Variants in TJP1 observed in about 807,000 individuals in gnomAD.
The protein encoded by TJP1 is tight junction protein 1.
TJP1 carries 43 observed loss-of-function variants against 194.2 expected under a neutral mutation model. That is an observed-to-expected ratio of 0.22 (90% CI 0.17 to 0.29). The LOEUF is 0.29. Ranked by LOEUF, TJP1 falls within the 10% of genes least tolerant of loss-of-function variation. The pLI, the probability that TJP1 is intolerant of heterozygous loss-of-function variation, is 1.00. For synonymous variants in TJP1, 801 were observed against 779.0 expected, an observed-to-expected ratio of 1.03 and a Z score of -0.47; for missense variants, 1,971 against 2,185.7, an observed-to-expected ratio of 0.90 and a Z score of 1.96.
chr15:29,722,879 ATTTTGGAG>A (rs2151159692), intron 18 of TJP1, among the ~76,000 whole-genome samples: 1 of 152,296 alleles, frequency 6.6e-6, no homozygotes, highest in East Asian at 1.9e-4. Context: ...AACGGAGATT[ATTTTGGAG>A]CTTTAAGATT....
rs55694243 is a variant in TJP1, at chr15:29,745,302, G to GAAAA, written c.1011-2525_1011-2522dup. On this transcript the variant is annotated intron_variant, in intron 8 of 27. Transcript: ENST00000614355. ...CACGAGCTAATGGTCCCAAAATATT[G>GAAAA]AAAAAAAAAAAAAAACTTAATGAAT... is the stretch of plus-strand genomic sequence containing the variant. Among the ~76,000 whole-genome samples, 25 of 135,872 alleles carry GAAAA rather than the reference G, an allele frequency of 1.8e-4. 1 individual carries two copies. The highest frequency in any genetic ancestry group is 2.6e-4 in the Non-Finnish European group (17 of 64,980). 89.1% of individuals were successfully genotyped at this position (135,872 alleles called of 152,430 possible). A position where few individuals can be genotyped will look rare whatever the true frequency, so the allele number is the denominator to read the frequency against.
intron 10 of TJP1, among the ~76,000 whole-genome samples, chr15:29,738,845 C>T (rs2044203649): frequency 8.6e-6 from 1 of 116,314 alleles, no homozygotes; most frequent in South Asian, 2.8e-4. Context: ...CTGATCAACA[C>T]AGCAAGACCC....
At chr15:29,873,057 C>A (rs2052580977) in intron 2 of TJP1, among the ~76,000 whole-genome samples, 1 of 152,126 alleles carries the variant, frequency 6.6e-6, no homozygotes, top group Non-Finnish European at 1.5e-5. Flanking sequence ...ATGGGTCTTG[C>A]AGGATGAATG....
At chr15:29,944,259 A>AT (rs1208605744) in intron 2 of TJP1, among the ~76,000 whole-genome samples, 3 of 149,412 alleles carry the variant, frequency 2.0e-5, no homozygotes, top group South Asian at 4.3e-4. Context: ...CACCCGGCTA[A>AT]TTTTTTTTTG....
chr15:29,822,219 C>T lies in TJP1; in HGVS notation c.-191G>A. The T allele has an allele frequency of 8.5e-7, 1 of 1,178,160 alleles. No individual in the cohort carries two copies. The highest frequency in any genetic ancestry group is 1.0e-6 in the Non-Finnish European group (1 of 953,196). 73.0% of individuals were successfully genotyped at this position (1,178,160 alleles called of 1,614,324 possible). A position where few individuals can be genotyped will look rare whatever the true frequency, so the allele number is the denominator to read the frequency against. On this transcript the variant is annotated 5_prime_UTR_variant, in exon 1 of 28. Transcript: ENST00000614355. ...GACAAAAGTCCGGGAAGCGCCCGCC[C>T]CGCCCGGGTCTTCTCCACGGGGCGC... is the stretch of plus-strand genomic sequence containing the variant.
At chr15:29,896,833 A>T (rs1179708633) in intron 2 of TJP1, among the ~76,000 whole-genome samples, 1 of 152,100 alleles carries the variant, frequency 6.6e-6, no homozygotes, top group Admixed American at 6.5e-5. Flanking sequence ...AACTTGAGAG[A>T]GCTGATTTAG....
intron 1 of TJP1, among the ~76,000 whole-genome samples, chr15:29,819,423 T>A (rs1425949624): frequency 6.6e-6 from 1 of 152,204 alleles, no homozygotes; most frequent in Non-Finnish European, 1.5e-5. Context: ...TTCATAGGGT[T>A]ACTGTGAGAA....
intron 27 of TJP1, among the ~76,000 whole-genome samples, chr15:29,702,574 G>A (rs2041619292): frequency 6.6e-6 from 1 of 152,180 alleles, no homozygotes; most frequent in Non-Finnish European, 1.5e-5. Flanking sequence ...TCTAGGGGTA[G>A]AGGCCCAGGG....
At chr15:29,794,703 T>C (rs2048295497) in intron 2 of TJP1, among the ~76,000 whole-genome samples, 2 of 152,224 alleles carry the variant, frequency 1.3e-5, no homozygotes, top group Admixed American at 6.5e-5. Flanking sequence ...AAAGGTGTCT[T>C]ATGTTATTTT....
chr15:29,869,667 C>T (rs1337048186), intron 2 of TJP1, among the ~76,000 whole-genome samples: 1 of 152,082 alleles, frequency 6.6e-6, no homozygotes, highest in Non-Finnish European at 1.5e-5. Flanking sequence ...CCAAATCAGA[C>T]AGGCACCTTA....
chr15:29,797,882 T>C (rs1567048179), intron 2 of TJP1, among the ~76,000 whole-genome samples: 1 of 152,224 alleles, frequency 6.6e-6, no homozygotes, highest in Non-Finnish European at 1.5e-5. Context: ...AAGGTTTGAA[T>C]ACATTTTACC....
intron 1 of TJP1, among the ~76,000 whole-genome samples, chr15:29,967,147 G>A (rs1315430488): frequency 6.6e-6 from 1 of 151,794 alleles, no homozygotes; most frequent in Non-Finnish European, 1.5e-5. Context: ...CCAAGTAGCT[G>A]AGATTACAGC....
chr15:29,875,712 G>A (rs111816210), intron 2 of TJP1, among the ~76,000 whole-genome samples: 13,211 of 152,060 alleles, frequency 0.087, 627 homozygotes, highest in South Asian at 0.18. Context: ...GATTACAGGC[G>A]TGCGCCACCA....
intron 2 of TJP1, among the ~76,000 whole-genome samples, chr15:29,857,510 T>C (rs529595112): frequency 7.9e-5 from 12 of 152,278 alleles, no homozygotes; most frequent in African/African-American, 2.6e-4. Context: ...GTCATCTTTC[T>C]TCTTGCCACA....
chr15:29,720,008 T>G lies in TJP1; in HGVS notation c.2772A>C (p.Glu924Asp), dbSNP rs1361377283. 1.2e-6 allele frequency: 2 copies of G among 1,603,688 alleles called. No individual in the cohort carries two copies. ...GFKPASQQKA[E>D]ASSPVPYLSP... Reference sequence around the variant, plus strand: ...AAAGGTAAGGGACTGGAGATGAAGCTTCTGCTTTCTGTGAAGTGTTTAAAA... The same window carrying G: ...AAAGGTAAGGGACTGGAGATGAAGCGTCTGCTTTCTGTGAAGTGTTTAAAA... The change falls in exon 20 of 28, where the codon GAA (glutamate) becomes GAC (aspartate). Residue 924 changes from glutamate to aspartate, a missense_variant. By Grantham distance (45) the Glu-to-Asp change is conservative (BLOSUM62 2). Coordinates refer to ENST00000614355, the MANE Select transcript of TJP1 (RefSeq NM_001330239.4).
At chr15:29,954,729 G>A (rs2055874651) in intron 2 of TJP1, among the ~76,000 whole-genome samples, 2 of 152,068 alleles carry the variant, frequency 1.3e-5, no homozygotes, top group Admixed American at 6.6e-5. Context: ...AATTATTTTA[G>A]TAAAAATGTA....
intron 2 of TJP1, among the ~76,000 whole-genome samples, chr15:29,938,821 A>G (rs2054969991): frequency 6.6e-6 from 1 of 152,272 alleles, no homozygotes; most frequent in Non-Finnish European, 1.5e-5. Context: ...CAAGAATGAA[A>G]TAAAGTATTT....
intron 2 of TJP1, among the ~76,000 whole-genome samples, chr15:29,785,816 C>CA (rs2047665522): frequency 6.6e-6 from 1 of 152,114 alleles, no homozygotes; most frequent in South Asian, 2.1e-4. Flanking sequence ...ATTTGAAAAC[C>CA]AGATGGAGCC....
intron 3 of TJP1, 84 bp from the exon 4 acceptor site, chr15:29,772,250 T>C (rs942492404): frequency 2.7e-6 from 2 of 746,482 alleles, no homozygotes; most frequent in Non-Finnish European, 4.4e-6. Context: ...TAGGTACTTC[T>C]AAAATGTAAT....
Sources: allele counts gnomAD v4.1 joint callset (sites outside exome capture counted in the v4.1 genomes callset), GRCh38; gene constraint gnomAD v4.1.1; transcripts MANE v1.5; gene names NCBI Gene and HGNC (gene_info 2026-07-23, HGNC 2026-07-21).